The following PCDHA12 variants were observed in gnomAD, a reference collection of about 807,000 sequenced individuals.
PCDHA12 encodes the protein protocadherin alpha-12.
PCDHA12 carries 44 observed loss-of-function variants against 60.0 expected under a neutral mutation model. The ratio of observed to expected loss-of-function variants is 0.73; its 90% CI spans 0.58 to 0.94. The LOEUF is 0.94. Among genes scored for constraint, PCDHA12 ranks in the 40% least tolerant of loss-of-function variants. The pLI is 0.00. For synonymous variants in PCDHA12, 569 were observed against 553.0 expected, an observed-to-expected ratio of 1.03 and a Z score of -0.40; for missense variants, 1,276 against 1,239.7, an observed-to-expected ratio of 1.03 and a Z score of -0.44.
intron 1 of PCDHA12, chr5:140,927,708 A>G: frequency 6.2e-7 from 1 of 1,614,202 alleles, no homozygotes; most frequent in Non-Finnish European, 8.5e-7. Context: ...AGTACTCCCT[A>G]AGCAACAGCA....
intron 3 of PCDHA12, among the ~76,000 whole-genome samples, chr5:140,997,165 G>A (rs1554255769): frequency 6.6e-6 from 1 of 151,976 alleles, no homozygotes; most frequent in African/African-American, 2.4e-5. Flanking sequence ...CCTGCCCAGA[G>A]TGGTACATTC....
intron 1 of PCDHA12, among the ~76,000 whole-genome samples, chr5:140,911,380 T>C (rs1365945638): frequency 4.6e-5 from 7 of 152,212 alleles, no homozygotes; most frequent in African/African-American, 1.7e-4. Flanking sequence ...AGGCTGTGCA[T>C]GCACCTTTCA....
At chr5:140,911,189 A>T (rs1369810973) in intron 1 of PCDHA12, among the ~76,000 whole-genome samples, 1 of 152,126 alleles carries the variant, frequency 6.6e-6, no homozygotes, top group African/African-American at 2.4e-5. Flanking sequence ...TGGGTTGGGG[A>T]GGACATGTTG....
chr5:140,935,157 A>G (rs982054485), intron 1 of PCDHA12, among the ~76,000 whole-genome samples: 1 of 152,214 alleles, frequency 6.6e-6, no homozygotes, highest in Non-Finnish European at 1.5e-5. Context: ...TATAATCTCA[A>G]CAACAGGTGT....
At chr5:140,951,741 C>A (rs1490111006) in intron 1 of PCDHA12, among the ~76,000 whole-genome samples, 3 of 152,062 alleles carry the variant, frequency 2.0e-5, no homozygotes, top group Non-Finnish European at 4.4e-5. Flanking sequence ...CTGCCACTGC[C>A]CTCACCCTCC....
At chr5:140,942,900 GA>G (rs1383279314) in intron 1 of PCDHA12, among the ~76,000 whole-genome samples, 1 of 151,718 alleles carries the variant, frequency 6.6e-6, no homozygotes, top group Non-Finnish European at 1.5e-5. Context: ...TTATCTCTAA[GA>G]ATAAGCGTGA....
intron 1 of PCDHA12, among the ~76,000 whole-genome samples, chr5:140,962,347 C>A (rs191780691): frequency 1.7e-4 from 26 of 152,244 alleles, no homozygotes; most frequent in African/African-American, 5.3e-4. Flanking sequence ...AAGTAAAACT[C>A]CCCCCAATAC....
intron 1 of PCDHA12, among the ~76,000 whole-genome samples, chr5:140,917,333 G>GC (rs1401985588): frequency 2.7e-5 from 4 of 148,632 alleles, no homozygotes; most frequent in African/African-American, 7.4e-5. Flanking sequence ...GCGGGGGAGG[G>GC]GGGGGATGGT....
chr5:140,882,942 C>T (rs2059373370), intron 1 of PCDHA12: 1 of 1,614,224 alleles, frequency 6.2e-7, no homozygotes. Flanking sequence ...CTGACTGGCA[C>T]AGTTCAGCTG....
At chr5:140,929,298 A>G (rs1554206937) in intron 1 of PCDHA12, 26 of 1,591,722 alleles carry the variant, frequency 1.6e-5, no homozygotes, top group Non-Finnish European at 2.1e-5. Context: ...GGAATAGGAA[A>G]GGGGATCACG....
Position 140,879,336 on chromosome 5 carries a change from AG to A in PCDHA12, c.2367+1498del, listed in dbSNP as rs1391403992. Among the ~76,000 whole-genome samples, 16 of 152,362 alleles carry A rather than the reference AG, an allele frequency of 1.1e-4. No individual in the cohort carries two copies. In the East Asian group the frequency reaches 2.9e-3, roughly 28 times the overall value. ...TGACTCTCACTTTTTTAGTTTGTTC[AG>A]CTGAGAAGATGACATTGCCATTAAC... On this transcript the variant is annotated intron_variant, in intron 1 of 3. Transcript: ENST00000398631.
chr5:140,907,491 C>A (rs1554193021), intron 1 of PCDHA12, among the ~76,000 whole-genome samples: 1 of 152,186 alleles, frequency 6.6e-6, no homozygotes, highest in Non-Finnish European at 1.5e-5. Flanking sequence ...AAACCCATAT[C>A]CAGAGTAAGT....
rs782489417 is a variant in PCDHA12, at chr5:140,927,802, A to C, written c.2367+49963A>C. 6.2e-6 allele frequency: 10 copies of C among 1,614,148 alleles called. No homozygotes were observed. The East Asian group carries it at 2.0e-4, about 32-fold the overall frequency. On this transcript the variant is annotated intron_variant, in intron 1 of 3. Transcript: ENST00000398631. ...AGCTGCTTCACTAGGTCCGCCTGAA[A>C]CGCTCTTGGAGGCATACATTGAGGC...
intron 3 of PCDHA12, 149 bp downstream of exon 3, chr5:140,982,712 T>C: frequency 7.3e-7 from 1 of 1,373,964 alleles, no homozygotes; most frequent in Non-Finnish European, 9.6e-7. Context: ...TCCTTACATA[T>C]ATGATTATTT....
intron 1 of PCDHA12, chr5:140,884,353 T>C: frequency 1.2e-6 from 2 of 1,613,886 alleles, no homozygotes; most frequent in Non-Finnish European, 1.7e-6. Context: ...CGCTGGTGGA[T>C]GTCAATGTTT....
intron 1 of PCDHA12, among the ~76,000 whole-genome samples, chr5:140,904,512 C>T (rs1251570223): frequency 5.9e-5 from 9 of 151,738 alleles, no homozygotes; most frequent in Admixed American, 3.3e-4. Flanking sequence ...GTGAATTGTG[C>T]TGCTATAAAC....
At chr5:141,004,952 C>T (rs543938360) in intron 3 of PCDHA12, among the ~76,000 whole-genome samples, 52 of 152,346 alleles carry the variant, frequency 3.4e-4, no homozygotes, top group African/African-American at 1.2e-3. Context: ...TACCCTCTCT[C>T]GTCACTGCCT....
chr5:140,927,611 C>T, intron 1 of PCDHA12: 1 of 1,614,164 alleles, frequency 6.2e-7, no homozygotes, highest in Admixed American at 1.7e-5. Context: ...GTATACCGCA[C>T]CAAGGTTCCA....
In PCDHA12 at chr5:140,875,679, A is replaced by T. The variant is rs1554167850; in HGVS notation, c.207A>T (p.Lys69Asn). 7 of 1,613,916 alleles carry T rather than the reference A, an allele frequency of 4.3e-6. No individual in the cohort carries two copies. The highest frequency in any genetic ancestry group is 8.5e-7 in the Non-Finnish European group (1 of 1,180,016). Residue 69 changes from lysine to asparagine, a missense_variant, in exon 1 of 4, where the codon AAA (lysine) becomes AAT (asparagine). By Grantham distance (94) the Lys-to-Asn change is moderately conservative. Transcript: ENST00000398631. ...CGCGCCTGTTCCGGGTGGCGTCCAAAAGACACGGGGACCTTCTGGAGGTAA... is the reference window on the plus strand; with the variant it reads ...CGCGCCTGTTCCGGGTGGCGTCCAATAGACACGGGGACCTTCTGGAGGTAA... Reference protein sequence around the residue: ...LVPRLFRVASKRHGDLLEVNL... With the variant: ...LVPRLFRVASNRHGDLLEVNL...
Sources: allele counts gnomAD v4.1 joint callset (sites outside exome capture counted in the v4.1 genomes callset), GRCh38; gene constraint gnomAD v4.1.1; transcripts MANE v1.5; gene names NCBI Gene and HGNC (gene_info 2026-07-23, HGNC 2026-07-21).